LIPA: variants seen among roughly 807,000 people sequenced by gnomAD.
LIPA encodes the protein lysosomal acid lipase/cholesteryl ester hydrolase.
In LIPA, 26 loss-of-function variants were observed where a neutral mutation model predicts 40.6. That is an observed-to-expected ratio of 0.64 (90% CI 0.47 to 0.89). LIPA has a LOEUF of 0.89. Ranked by LOEUF, LIPA falls within the 40% of genes least tolerant of loss-of-function variation. The pLI is 0.00. For missense variants in LIPA, 455 were observed against 479.6 expected (o/e 0.95, Z 0.48); for synonymous variants, 188 against 168.4 (o/e 1.12, Z -0.90).
At chr10:89,329,470 G>C (rs76738771) in intron 1 of LIPA, among the ~76,000 whole-genome samples, 6,269 of 152,154 alleles carry the variant, frequency 0.041, 433 homozygotes, top group African/African-American at 0.14. Flanking sequence ...TCTGAGGGGG[G>C]CTCTCTGAAC....
intron 1 of LIPA, among the ~76,000 whole-genome samples, chr10:89,327,199 C>T (rs1406241170): frequency 6.6e-6 from 1 of 152,186 alleles, no homozygotes; most frequent in African/African-American, 2.4e-5. Context: ...CAGATGAAGC[C>T]TCCAAGTAGC....
chr10:89,350,381 C>T lies in LIPA; in HGVS notation c.61+62410G>A, dbSNP rs531460880. Among the ~76,000 whole-genome samples the T allele has an allele frequency of 8.9e-4, 130 of 145,812 alleles. 1 individual carries two copies. The highest frequency in any genetic ancestry group is 3.1e-3 in the African/African-American group (127 of 40,920). On this transcript the variant is annotated intron_variant, in intron 2 of 8. Transcript: ENST00000371837. ...AGGGCAATGGCGCAATCTCGGCTCA[C>T]TGCAAGCTCCGCCTCCCAGGTTCAA...
At chr10:89,266,828 G>T (rs1178483398) in intron 1 of LIPA, among the ~76,000 whole-genome samples, 1 of 152,240 alleles carries the variant, frequency 6.6e-6, no homozygotes, top group African/African-American at 2.4e-5. Flanking sequence ...CAGAAGCTCT[G>T]TATATTGCCC....
At chr10:89,226,841 C>T in intron 5 of LIPA, 54 bp downstream of exon 5, 1 of 1,067,352 alleles carries the variant, frequency 9.4e-7, no homozygotes, top group Non-Finnish European at 1.5e-6. Context: ...AAGAAAAGTA[C>T]AAACTCTGTA....
At chr10:89,239,051 T>C (rs1352794238) in intron 3 of LIPA, among the ~76,000 whole-genome samples, 2 of 152,232 alleles carry the variant, frequency 1.3e-5, no homozygotes, top group African/African-American at 4.8e-5. Context: ...AGCAAGCGCA[T>C]ACTAAGTGTT....
intron 1 of LIPA, among the ~76,000 whole-genome samples, chr10:89,295,151 T>C (rs528730275): frequency 6.7e-6 from 1 of 149,656 alleles, no homozygotes; most frequent in East Asian, 1.9e-4. Context: ...TGGAAGACCA[T>C]TTTAAACGTG....
intron 1 of LIPA, chr10:89,339,568 G>A (rs1843816805): frequency 1.2e-6 from 2 of 1,614,198 alleles, no homozygotes; most frequent in Non-Finnish European, 1.7e-6. Flanking sequence ...TGGAAATAAA[G>A]AGATGATTGA....
intron 1 of LIPA, among the ~76,000 whole-genome samples, chr10:89,287,539 C>T (rs1843347427): frequency 6.6e-6 from 1 of 152,086 alleles, no homozygotes; most frequent in Non-Finnish European, 1.5e-5. Flanking sequence ...CTTCCCAACC[C>T]AAAGCCTCCT....
chr10:89,344,120 T>C (rs1475555281), upstream of LIPA, among the ~76,000 whole-genome samples: 1 of 152,162 alleles, frequency 6.6e-6, no homozygotes, highest in African/African-American at 2.4e-5. Flanking sequence ...ATTAAATGTG[T>C]TTCCTTACAA....
Position 89,226,899 on chromosome 10 carries a change from A to G in LIPA, c.534T>C (p.Thr178=), listed in dbSNP as rs746817834. 3 of 1,524,744 alleles carry G rather than the reference A, an allele frequency of 2.0e-6. No homozygotes were observed. The East Asian group carries it at 6.7e-5, about 34-fold the overall frequency. 94.5% of individuals were successfully genotyped at this position (1,524,744 alleles called of 1,614,324 possible). Residue 178 remains threonine, a synonymous_variant, in exon 5 of 10, where the codon ACT becomes ACC. Coordinates refer to ENST00000336233, the MANE Select transcript of LIPA (RefSeq NM_000235.4). ...VYYVGHSQGT[T]IGFIAFSQIP... is the part of the protein sequence containing the mutation. ...TGATCTTATTTACATACATACCTAT[A>G]GTGGTGCCTTGAGAATGACCCACAT...
chr10:89,219,153 G>C (rs566984196), intron 8 of LIPA, among the ~76,000 whole-genome samples: 1 of 151,794 alleles, frequency 6.6e-6, no homozygotes, highest in African/African-American at 2.4e-5. Flanking sequence ...CCTACCAAAA[G>C]TATGTTTTTT....
At chr10:89,387,480 A>T (rs1173947283) in intron 2 of LIPA, among the ~76,000 whole-genome samples, 2 of 152,162 alleles carry the variant, frequency 1.3e-5, no homozygotes, top group Admixed American at 6.5e-5. Context: ...CGAAGAAGAG[A>T]GAAAAAATTG....
At chr10:89,363,399 A>C (rs1372334324) in intron 2 of LIPA, 2 of 152,246 alleles carry the variant, frequency 1.3e-5, no homozygotes, top group Non-Finnish European at 2.9e-5. Flanking sequence ...GATATTAATA[A>C]AAGCTGTTGC....
At chr10:89,402,689 T>C (rs1198911879) in intron 2 of LIPA, 2 of 1,614,058 alleles carry the variant, frequency 1.2e-6, no homozygotes, top group Non-Finnish European at 1.7e-6. Context: ...GAATGGAGTG[T>C]CCAGAAATAG....
intron 2 of LIPA, chr10:89,384,308 C>A: frequency 6.2e-7 from 1 of 1,614,184 alleles, no homozygotes; most frequent in Non-Finnish European, 8.5e-7. Flanking sequence ...TTTGAAAAGA[C>A]TATAATGTTA....
intron 3 of LIPA, among the ~76,000 whole-genome samples, chr10:89,238,541 G>A (rs982260389): frequency 6.6e-6 from 1 of 152,058 alleles, no homozygotes; most frequent in Non-Finnish European, 1.5e-5. Flanking sequence ...CCCTGAATGT[G>A]CCCACTTCTC....
chr10:89,336,896 C>G (rs913291065), intron 1 of LIPA, among the ~76,000 whole-genome samples: 1 of 152,220 alleles, frequency 6.6e-6, no homozygotes, highest in East Asian at 1.9e-4. Flanking sequence ...GAGGGACATA[C>G]AGCCCAAGCC....
Position 89,226,809 on chromosome 10 carries a change from C to T in LIPA, c.538+86G>A. ...TAAAAATAAATGGAATTTGAACTAA[C>T]ATCTTTTTATATTTCACTTTTAAGA... is the stretch of plus-strand genomic sequence containing the variant. On this transcript the variant is annotated intron_variant, in intron 5 of 9. Coordinates refer to ENST00000336233, the MANE Select transcript of LIPA (RefSeq NM_000235.4). The T allele has an allele frequency of 5.0e-6, 4 of 801,488 alleles. No individual in the cohort carries two copies. The East Asian group carries it at 7.6e-5, about 15-fold the overall frequency. 49.6% of individuals were successfully genotyped at this position (801,488 alleles called of 1,614,324 possible).
intron 1 of LIPA, among the ~76,000 whole-genome samples, chr10:89,319,671 C>T (rs181897718): frequency 1.3e-5 from 2 of 152,284 alleles, no homozygotes; most frequent in African/African-American, 2.4e-5. Context: ...GAAACTATTC[C>T]AATCAATAGA....
Sources: allele counts gnomAD v4.1 joint callset (sites outside exome capture counted in the v4.1 genomes callset), GRCh38; gene constraint gnomAD v4.1.1; transcripts MANE v1.5; gene names NCBI Gene and HGNC (gene_info 2026-07-23, HGNC 2026-07-21).